Variants in LINC00632 observed in about 807,000 individuals in gnomAD.
The protein encoded by LINC00632 is long independently transcribed non-coding RNA 632.
At chrX:140,729,220 C>G (rs1299764384) in intron 2 of LINC00632, among the ~76,000 whole-genome samples, 1 of 110,736 alleles carries the variant, frequency 9.0e-6, no homozygotes, top group Non-Finnish European at 1.9e-5. Context: ...TAACCACCCA[C>G]ATTCTCTTTA....
intron 2 of LINC00632, chrX:140,714,051 A>C: frequency 4.4e-6 from 1 of 226,610 alleles, no homozygotes; most frequent in South Asian, 5.3e-5. Flanking sequence ...CAGCAAACAG[A>C]CTCTCCCCAG....
chrX:140,750,511 C>T (rs1258267905), intron 3 of LINC00632, among the ~76,000 whole-genome samples: 1 of 111,052 alleles, frequency 9.0e-6, no homozygotes, highest in Non-Finnish European at 1.9e-5. Flanking sequence ...AAATGTAATA[C>T]ATTTCACACT....
At position 140,773,829 on chromosome X, in the gene LINC00632, T is replaced by C. The variant is rs751766306; in HGVS notation, n.1943T>C. The stretch of plus-strand genomic sequence containing the variant: ...TGCTAGCGATGTACTGTGCTCTGCA[T>C]GTATTTTGACTACCTGAAGATCTTA... On this transcript the variant is annotated non_coding_transcript_exon_variant, in exon 4 of 5. Coordinates refer to ENST00000648200, the Ensembl canonical transcript of LINC00632. 8.0e-5 allele frequency among the ~76,000 whole-genome samples: 9 copies of C among 112,186 alleles called. No homozygotes were observed. In the South Asian group the frequency reaches 2.6e-3, roughly 32 times the overall value.
intron 3 of LINC00632, among the ~76,000 whole-genome samples, chrX:140,745,007 T>C (rs1191611440): frequency 2.7e-5 from 3 of 110,755 alleles, no homozygotes; most frequent in African/African-American, 9.9e-5. Context: ...ACCTCACTTA[T>C]GATATAGGAA....
exon 4 of LINC00632, among the ~76,000 whole-genome samples, chrX:140,774,031 A>G (rs1334779329): frequency 8.9e-6 from 1 of 112,540 alleles, no homozygotes; most frequent in African/African-American, 3.2e-5. Context: ...CCAGTGGTAG[A>G]AGAAATTGAA....
chrX:140,779,449 A>G (rs1931908492), exon 5 of LINC00632, among the ~76,000 whole-genome samples: 1 of 112,085 alleles, frequency 8.9e-6, no homozygotes, highest in Non-Finnish European at 1.9e-5. Context: ...AAGGGTTTTG[A>G]CAGTATATAT....
chrX:140,759,347 T>TCC (rs1257341651), intron 3 of LINC00632, among the ~76,000 whole-genome samples: 40 of 50,709 alleles, frequency 7.9e-4, no homozygotes, highest in East Asian at 4.1e-3. Context: ...CTTCCTTCCT[T>TCC]TCTTTCTTTC....
intron 2 of LINC00632, among the ~76,000 whole-genome samples, chrX:140,728,851 TC>T (rs1201051602): frequency 9.0e-6 from 1 of 110,829 alleles, no homozygotes; most frequent in Non-Finnish European, 1.9e-5. Flanking sequence ...ACTCAGACTC[TC>T]CTAGAACACA....
At chrX:140,788,814 C>CCATATATACACATATATGTATATATG (rs1932060216) in exon 5 of LINC00632, among the ~76,000 whole-genome samples, 2 of 65,997 alleles carry the variant, frequency 3.0e-5, no homozygotes, top group African/African-American at 1.3e-4. Flanking sequence ...ATATATGTAT[C>CCATATATACACATATATGTATATATG]TATATTCCAT....
chrX:140,773,542 A>C (rs1006567061), exon 4 of LINC00632, among the ~76,000 whole-genome samples: 1 of 112,709 alleles, frequency 8.9e-6, no homozygotes, highest in Admixed American at 9.4e-5. Context: ...TTAAAGAGAA[A>C]GCCAGAAACA....
rs1234404678 is a variant in LINC00632 at position 140,781,760 on chromosome X, C to T, written n.9779C>T. ...ACTAAGGCCCTTGGGCCAATGCAGC[C>T]CAACCATTTTTTTTAAGTAAAGTTT... On this transcript the variant is annotated non_coding_transcript_exon_variant, in exon 5 of 5. Coordinates refer to ENST00000648200, the Ensembl canonical transcript of LINC00632. 5.4e-5 allele frequency among the ~76,000 whole-genome samples: 6 copies of T among 111,651 alleles called. No homozygotes were observed. The East Asian group carries it at 1.7e-3, about 32-fold the overall frequency.
intron 3 of LINC00632, among the ~76,000 whole-genome samples, chrX:140,735,814 C>T (rs911936847): frequency 2.7e-5 from 3 of 111,608 alleles, no homozygotes; most frequent in Non-Finnish European, 5.6e-5. Flanking sequence ...GATCTGCCTG[C>T]CTTGGCCTCC....
chrX:140,775,026 T>C (rs1402564022), exon 5 of LINC00632, among the ~76,000 whole-genome samples: 1 of 112,072 alleles, frequency 8.9e-6, no homozygotes, highest in Non-Finnish European at 1.9e-5. Flanking sequence ...CAATTGTATA[T>C]GTTAGCTATT....
exon 5 of LINC00632, among the ~76,000 whole-genome samples, chrX:140,786,072 T>A (rs1489894519): frequency 1.8e-5 from 2 of 112,086 alleles, no homozygotes; most frequent in Non-Finnish European, 3.8e-5. Flanking sequence ...TGCTTCTGGC[T>A]GGCATGAAAA....
chrX:140,784,384 C>T (rs1569358081), exon 5 of LINC00632: 10 of 1,203,753 alleles, frequency 8.3e-6, no homozygotes, highest in African/African-American at 1.8e-5. Flanking sequence ...AGAAAATCCA[C>T]GTCTTCCAGA....
chrX:140,727,685 T>A lies in LINC00632; in HGVS notation n.105-6193T>A, dbSNP rs967153705. Among the ~76,000 whole-genome samples the A allele has an allele frequency of 2.7e-5, 3 of 111,867 alleles. No homozygotes were observed. In the Admixed American group the frequency reaches 2.8e-4, roughly 11 times the overall value. On this transcript the variant is annotated intron_variant and non_coding_transcript_variant, in intron 2 of 4. Transcript: ENST00000648200. Reference sequence around the variant, plus strand: ...TATTACCGTAACACCTAAAGTTGCCTGAAGAGCCAGTCATGTACCAGAGTA... The same window carrying A: ...TATTACCGTAACACCTAAAGTTGCCAGAAGAGCCAGTCATGTACCAGAGTA...
At chrX:140,726,040 C>T (rs761328149) in intron 2 of LINC00632, among the ~76,000 whole-genome samples, 2 of 111,188 alleles carry the variant, frequency 1.8e-5, no homozygotes, top group East Asian at 5.7e-4. Flanking sequence ...ACATGTCCTA[C>T]AATACAGGGG....
chrX:140,776,294 C>A (rs772190098), exon 5 of LINC00632, among the ~76,000 whole-genome samples: 25 of 112,712 alleles, frequency 2.2e-4, no homozygotes, highest in African/African-American at 7.1e-4. Context: ...GGCAGCCACC[C>A]CCTCGCCCAT....
intron 3 of LINC00632, among the ~76,000 whole-genome samples, chrX:140,756,587 A>G (rs1931497952): frequency 8.9e-6 from 1 of 111,970 alleles, no homozygotes; most frequent in Non-Finnish European, 1.9e-5. Flanking sequence ...GGCTGGATGT[A>G]CAGCCAGTCC....
Sources: allele counts gnomAD v4.1 joint callset (sites outside exome capture counted in the v4.1 genomes callset), GRCh38; gene constraint gnomAD v4.1.1; transcripts MANE v1.5; gene names NCBI Gene and HGNC (gene_info 2026-07-23, HGNC 2026-07-21).